Variants in MRAP2 observed in about 807,000 individuals in gnomAD.
MRAP2 encodes melanocortin-2 receptor accessory protein 2.
In MRAP2, 20 loss-of-function variants were observed where a neutral mutation model predicts 17.4. That is an observed-to-expected ratio of 1.15 (90% CI 0.81 to 1.67). The LOEUF (loss-of-function observed/expected upper bound fraction) is 1.67. Ranked by LOEUF, MRAP2 falls within the 40% of genes most tolerant of loss-of-function variation. The probability of loss-of-function intolerance (pLI) is 0.00; values close to 1 mark genes in which losing one functional copy is unlikely to be tolerated. For missense variants in MRAP2, 238 were observed against 240.0 expected, an observed-to-expected ratio of 0.99 and a Z score of 0.05; for synonymous variants, 96 against 88.4, an observed-to-expected ratio of 1.09 and a Z score of -0.48.
the MRAP2 span, among the ~76,000 whole-genome samples, chr6:84,118,725 TATCTTG>T: frequency 2.4e-5 from 3 of 123,394 alleles, no homozygotes; most frequent in African/African-American, 1.7e-4. Context: ...CAGTGTGTCT[TATCTTG>T]TGAGAAGCTG....
intron 3 of MRAP2, among the ~76,000 whole-genome samples, chr6:84,066,949 T>G (rs560986301): frequency 3.9e-5 from 6 of 152,294 alleles, no homozygotes; most frequent in Middle Eastern, 6.8e-3. Context: ...AGGAAGTTCC[T>G]TAGTGGTGAT....
the MRAP2 span, among the ~76,000 whole-genome samples, chr6:84,117,597 G>T: frequency 2.0e-4 from 31 of 151,598 alleles, no homozygotes; most frequent in African/African-American, 6.6e-4. Context: ...ATGTTTGGGG[G>T]CTTATCTGTC....
In MRAP2 at chr6:84,066,446, T is replaced by C. The variant is rs970628875; in HGVS notation, c.227+3454T>C. 3.3e-5 allele frequency among the ~76,000 whole-genome samples: 5 copies of C among 152,346 alleles called. No homozygotes were observed. In the East Asian group the frequency reaches 9.6e-4, roughly 29 times the overall value. ...ATCTGTTATAAAGGCCTTTAGGTCT[T>C]AACAAACTTGACATTTGTTTGGCAG... On this transcript the variant is annotated intron_variant, in intron 3 of 3. Transcript: ENST00000257776.
chr6:84,110,747 G>A, the MRAP2 span, among the ~76,000 whole-genome samples: 2 of 152,230 alleles, frequency 1.3e-5, no homozygotes, highest in African/African-American at 4.8e-5. Flanking sequence ...TTACATTTAA[G>A]TCTGTGATCC....
At chr6:84,069,688 G>A (rs1376490724) in intron 3 of MRAP2, among the ~76,000 whole-genome samples, 4 of 152,112 alleles carry the variant, frequency 2.6e-5, no homozygotes, top group African/African-American at 4.8e-5. Flanking sequence ...TTCTTTGAAT[G>A]TCTGGTAGAA....
At chr6:84,048,682 A>T (rs2099489642) in intron 1 of MRAP2, among the ~76,000 whole-genome samples, 1 of 152,228 alleles carries the variant, frequency 6.6e-6, no homozygotes. Flanking sequence ...ATGTAGTGGG[A>T]TGGAGCATTA....
intron 3 of MRAP2, among the ~76,000 whole-genome samples, chr6:84,082,807 C>T (rs1201388592): frequency 3.9e-5 from 6 of 152,092 alleles, no homozygotes; most frequent in African/African-American, 1.4e-4. Flanking sequence ...ACCCACTCCC[C>T]CACCCCTTTC....
the MRAP2 span, among the ~76,000 whole-genome samples, chr6:84,145,666 C>G: frequency 0.018 from 2,744 of 152,190 alleles, 29 homozygotes; most frequent in Middle Eastern, 0.031. Context: ...ACCCTCCTGC[C>G]TTGGAATCAC....
At chr6:84,053,897 G>A (rs2099491065) in intron 1 of MRAP2, among the ~76,000 whole-genome samples, 1 of 152,040 alleles carries the variant, frequency 6.6e-6, no homozygotes. Flanking sequence ...ATGTGGGGTT[G>A]GAGTCTTTTT....
In MRAP2 at chr6:84,055,683, A is replaced by G. The variant is rs570176318; in HGVS notation, c.127+238A>G. 7.2e-5 allele frequency among the ~76,000 whole-genome samples: 11 copies of G among 152,334 alleles called. No individual in the cohort carries two copies. The South Asian group carries it at 2.3e-3, about 32-fold the overall frequency. ...TAAAAAATTCCCATAGTAGGAGAAC[A>G]TGAATCAATGTCAAGCTGAGATTGA... On this transcript the variant is annotated intron_variant, in intron 2 of 3. Coordinates refer to ENST00000257776, the MANE Select transcript of MRAP2 (RefSeq NM_138409.4).
chr6:84,050,669 G>T (rs1456577884), intron 1 of MRAP2, among the ~76,000 whole-genome samples: 4 of 152,228 alleles, frequency 2.6e-5, no homozygotes, highest in African/African-American at 9.6e-5. Context: ...TCTCTATGTT[G>T]TGCGGGGGAC....
rs1168862703 is a variant in MRAP2 at position 84,090,844 on chromosome 6, G to A, written c.*1363G>A. On this transcript the variant is annotated 3_prime_UTR_variant, in exon 4 of 4. Coordinates refer to ENST00000257776, the MANE Select transcript of MRAP2 (RefSeq NM_138409.4). ...TTCATTATGAATTTGTTCACCACCT[G>A]TCTTGCTTAAGCTACAAAATAAATG... is the stretch of plus-strand genomic sequence containing the variant. The A allele has an allele frequency of 6.6e-6, 1 of 152,174 alleles. No homozygotes were observed. The highest frequency in any genetic ancestry group is 1.9e-4 in the East Asian group (1 of 5,200). 9.4% of individuals were successfully genotyped at this position (152,174 alleles called of 1,614,324 possible).
chr6:84,114,613 C>T, the MRAP2 span, among the ~76,000 whole-genome samples: 3 of 152,052 alleles, frequency 2.0e-5, no homozygotes, highest in Non-Finnish European at 4.4e-5. Flanking sequence ...CAGTTTTGTT[C>T]CCTTGCTGGT....
At chr6:84,136,192 T>G in the MRAP2 span, among the ~76,000 whole-genome samples, 1 of 152,240 alleles carries the variant, frequency 6.6e-6, no homozygotes, top group African/African-American at 2.4e-5. Context: ...ACTGATCAGT[T>G]ATAGCTGTCC....
At chr6:84,100,721 A>T in the MRAP2 span, among the ~76,000 whole-genome samples, 5 of 152,342 alleles carry the variant, frequency 3.3e-5, no homozygotes, top group Middle Eastern at 3.4e-3. Context: ...TTCACACTTC[A>T]TAACATTTTT....
At chr6:84,062,622 C>T in intron 2 of MRAP2, 1 of 985,226 alleles carries the variant, frequency 1.0e-6, no homozygotes, top group Non-Finnish European at 1.2e-6. Context: ...AACCTATGCT[C>T]TGGTCTAGGT....
At chr6:84,093,021 C>T (rs1035727642), downstream of MRAP2, among the ~76,000 whole-genome samples, 6 of 152,184 alleles carry the variant, frequency 3.9e-5, no homozygotes, top group Non-Finnish European at 1.5e-5. Flanking sequence ...AAGCTCCACT[C>T]TTGGAATCAT....
the MRAP2 span, among the ~76,000 whole-genome samples, chr6:84,111,985 G>A: frequency 6.6e-5 from 10 of 152,182 alleles, no homozygotes; most frequent in African/African-American, 2.4e-4. Flanking sequence ...GCTTTCTGAT[G>A]TGCTGCTGGA....
the MRAP2 span, among the ~76,000 whole-genome samples, chr6:84,108,011 G>A: frequency 6.6e-6 from 1 of 152,166 alleles, no homozygotes; most frequent in Non-Finnish European, 1.5e-5. Flanking sequence ...GTCTTGCAGG[G>A]CTATCAAGAT....
Sources: gnomAD v4.1 joint callset for allele counts (sites outside exome capture counted in the v4.1 genomes callset) on GRCh38, gnomAD v4.1.1 for gene constraint, MANE v1.5 for transcripts, NCBI Gene and HGNC (gene_info 2026-07-23, HGNC 2026-07-21) for gene names.